Variants in CNTN4 observed in about 807,000 individuals in gnomAD.
CNTN4 encodes the protein contactin-4.
In CNTN4, 77 loss-of-function variants were observed where a neutral mutation model predicts 122.5. The observed-to-expected ratio is 0.63, with a 90% confidence interval of 0.52 to 0.76. The LOEUF (loss-of-function observed/expected upper bound fraction) is 0.76. CNTN4 is among the 30% of genes least tolerant of loss of function. The probability of loss-of-function intolerance (pLI) is 0.00; values close to 1 mark genes in which losing one functional copy is unlikely to be tolerated. For synonymous variants in CNTN4, 512 were observed against 447.0 expected, an observed-to-expected ratio of 1.15 and a Z score of -1.83; for missense variants, 1,256 against 1,259.1, an observed-to-expected ratio of 1.00 and a Z score of 0.04.
intron 3 of CNTN4, among the ~76,000 whole-genome samples, chr3:2,427,514 A>C (rs2047886392): frequency 6.6e-6 from 1 of 152,124 alleles, no homozygotes; most frequent in Non-Finnish European, 1.5e-5. Context: ...TTTTGGAATA[A>C]GTGTGATGTG....
intron 7 of CNTN4, among the ~76,000 whole-genome samples, chr3:2,863,444 CTTTTT>C (rs5846228): frequency 1.1e-5 from 1 of 92,364 alleles, no homozygotes; most frequent in East Asian, 2.9e-4. Context: ...ATGGTTTCTT[CTTTTT>C]TTTTTTTTTT....
intron 4 of CNTN4, among the ~76,000 whole-genome samples, chr3:2,702,395 T>G (rs9816574): frequency 0.025 from 3,763 of 152,292 alleles, 183 homozygotes; most frequent in African/African-American, 0.085. Flanking sequence ...TAGGCCTGAG[T>G]TAACAAATGT....
intron 14 of CNTN4, among the ~76,000 whole-genome samples, chr3:3,025,550 T>G (rs1035345367): frequency 2.6e-5 from 4 of 152,130 alleles, no homozygotes; most frequent in African/African-American, 9.7e-5. Context: ...CCAAAAAGAC[T>G]GGGGGAAATT....
rs114786786 is a variant in CNTN4, at chr3:2,525,659, G to A, written c.-88-45757G>A. ...TTTCTTTCATTTGAACTTAACAGAT[G>A]CCAAGATTTTCCATTTAGTAAGTAT... is the stretch of plus-strand genomic sequence containing the variant. On this transcript the variant is annotated intron_variant, in intron 3 of 24. Coordinates refer to ENST00000418658, the MANE Select transcript of CNTN4 (RefSeq NM_175607.3). Among the ~76,000 whole-genome samples the A allele has an allele frequency of 6.7e-3, 1,014 of 152,216 alleles. 15 individuals carry two copies. Among genetic ancestry groups the A allele is most frequent in the African/African-American group, 0.023 (962 of 41,540 alleles).
At chr3:2,788,899 G>A (rs2091920788) in intron 6 of CNTN4, among the ~76,000 whole-genome samples, 2 of 152,102 alleles carry the variant, frequency 1.3e-5, no homozygotes, top group African/African-American at 2.4e-5. Flanking sequence ...AAAGACTTTG[G>A]TCTTTACATA....
chr3:2,976,670 CTT>C (rs1693444398), intron 13 of CNTN4, among the ~76,000 whole-genome samples: 2 of 152,292 alleles, frequency 1.3e-5, no homozygotes, highest in South Asian at 4.1e-4. Context: ...TCAATTGACT[CTT>C]TGTAAATTGC....
rs183947062 is a variant in CNTN4, at chr3:2,865,290, G to C, written c.455-1462G>C. 7.2e-5 allele frequency among the ~76,000 whole-genome samples: 11 copies of C among 152,302 alleles called. No individual in the cohort carries two copies. In the East Asian group the frequency reaches 2.1e-3, roughly 29 times the overall value. ...AAGCAATGTGCATGACCCCTCCTTT[G>C]TGCGTAAACAGTGGATTTAAGGCAG... On this transcript the variant is annotated intron_variant, in intron 7 of 24. Coordinates refer to ENST00000418658, the MANE Select transcript of CNTN4 (RefSeq NM_175607.3).
chr3:2,834,832 G>A (rs1368415587), intron 7 of CNTN4, among the ~76,000 whole-genome samples: 3 of 149,144 alleles, frequency 2.0e-5, no homozygotes, highest in African/African-American at 7.4e-5. Context: ...ATAAATGAGG[G>A]CAGAATTATT....
intron 2 of CNTN4, among the ~76,000 whole-genome samples, chr3:2,252,117 C>G (rs1298280519): frequency 6.6e-6 from 1 of 151,936 alleles, no homozygotes; most frequent in African/African-American, 2.4e-5. Flanking sequence ...GCCAGATACG[C>G]ACTGATTTAA....
At chr3:2,642,035 A>C (rs191305685) in intron 4 of CNTN4, among the ~76,000 whole-genome samples, 2 of 152,346 alleles carry the variant, frequency 1.3e-5, no homozygotes, top group East Asian at 3.9e-4. Flanking sequence ...TGTATAAATG[A>C]GAGTTTATTA....
Position 2,745,727 on chromosome 3 carries a change from G to T in CNTN4, c.358+30G>T, listed in dbSNP as rs746062164. The T allele has an allele frequency of 1.5e-5, 24 of 1,601,268 alleles. No homozygotes were observed. The East Asian group carries it at 5.4e-4, about 36-fold the overall frequency. ...GTAGCAATTATACAATGCTGCAAATGTTGCTTTCAGTTTGTGTACCATTAT... is the reference window on the plus strand; with the variant it reads ...GTAGCAATTATACAATGCTGCAAATTTTGCTTTCAGTTTGTGTACCATTAT... On this transcript the variant is annotated intron_variant, in intron 6 of 24. Coordinates refer to ENST00000418658, the MANE Select transcript of CNTN4 (RefSeq NM_175607.3).
chr3:2,704,109 C>A (rs2086512294), intron 4 of CNTN4, among the ~76,000 whole-genome samples: 1 of 151,416 alleles, frequency 6.6e-6, no homozygotes, highest in African/African-American at 2.4e-5. Context: ...TCAGCCTGGG[C>A]AGCATGGTGA....
chr3:2,200,559 A>T (rs1316192507), intron 2 of CNTN4, among the ~76,000 whole-genome samples: 3 of 152,214 alleles, frequency 2.0e-5, no homozygotes, highest in African/African-American at 7.2e-5. Context: ...TCAACAAAGA[A>T]TGATCTAGCC....
At chr3:2,328,975 A>G (rs2043594099) in intron 2 of CNTN4, among the ~76,000 whole-genome samples, 1 of 152,174 alleles carries the variant, frequency 6.6e-6, no homozygotes. Context: ...ACCATTTTCT[A>G]TAAATCTACT....
intron 16 of CNTN4, among the ~76,000 whole-genome samples, chr3:3,033,881 G>A (rs911650992): frequency 6.6e-6 from 1 of 152,174 alleles, no homozygotes; most frequent in African/African-American, 2.4e-5. Flanking sequence ...TAAGTACATG[G>A]ACAGAAACAA....
At chr3:2,591,086 A>G (rs576349518) in intron 4 of CNTN4, among the ~76,000 whole-genome samples, 2 of 152,200 alleles carry the variant, frequency 1.3e-5, no homozygotes, top group Non-Finnish European at 2.9e-5. Flanking sequence ...CTTACAATTT[A>G]TAATTGCTAA....
At chr3:2,926,396 A>G (rs1418889939) in intron 13 of CNTN4, among the ~76,000 whole-genome samples, 2 of 152,232 alleles carry the variant, frequency 1.3e-5, no homozygotes, top group Non-Finnish European at 2.9e-5. Context: ...AGTGTATACA[A>G]TGCAAATATA....
chr3:2,742,274 T>C (rs945147148), intron 5 of CNTN4, among the ~76,000 whole-genome samples: 3 of 152,186 alleles, frequency 2.0e-5, no homozygotes, highest in African/African-American at 4.8e-5. Context: ...CATTGTTTCC[T>C]GCCCCTCAAT....
chr3:3,026,495 T>G (rs1306984133), intron 15 of CNTN4, among the ~76,000 whole-genome samples: 1 of 152,160 alleles, frequency 6.6e-6, no homozygotes, highest in African/African-American at 2.4e-5. Context: ...TACAGGTTAA[T>G]TATTCATTCC....
Sources: allele counts gnomAD v4.1 joint callset (sites outside exome capture counted in the v4.1 genomes callset), GRCh38; gene constraint gnomAD v4.1.1; transcripts MANE v1.5; gene names NCBI Gene and HGNC (gene_info 2026-07-23, HGNC 2026-07-21).